ATXN1: variants seen among roughly 807,000 people sequenced by gnomAD.
ATXN1 encodes the protein ataxin 1.
ATXN1 carries 8 observed loss-of-function variants against 56.4 expected under a neutral mutation model. The ratio of observed to expected loss-of-function variants is 0.14; its 90% CI spans 0.08 to 0.26. ATXN1 has a LOEUF of 0.26. ATXN1 is among the 10% of genes least tolerant of loss of function. The pLI, the probability that ATXN1 is intolerant of heterozygous loss-of-function variation, is 1.00. For missense variants in ATXN1, 987 were observed against 1,106.5 expected (o/e 0.89, Z 1.53); for synonymous variants, 514 against 494.6 (o/e 1.04, Z -0.52).
At chr6:16,482,194 CAT>C (rs756255774) in intron 6 of ATXN1, among the ~76,000 whole-genome samples, 1 of 152,150 alleles carries the variant, frequency 6.6e-6, no homozygotes. Context: ...CAGGCCCACA[CAT>C]GAGAGGCATT....
At chr6:16,533,384 G>A (rs1029083502) in intron 4 of ATXN1, among the ~76,000 whole-genome samples, 5 of 152,188 alleles carry the variant, frequency 3.3e-5, no homozygotes, top group African/African-American at 9.6e-5. Context: ...TCGTTTGAGT[G>A]TTCCAGGAAA....
At chr6:16,614,635 A>G (rs59339642) in intron 3 of ATXN1, among the ~76,000 whole-genome samples, 7,564 of 151,734 alleles carry the variant, frequency 0.05, 683 homozygotes, top group African/African-American at 0.17. Context: ...TCAATGATTA[A>G]ATTCAGGCCA....
chr6:16,537,734 A>C (rs921481641), intron 4 of ATXN1, among the ~76,000 whole-genome samples: 1 of 151,978 alleles, frequency 6.6e-6, no homozygotes, highest in Non-Finnish European at 1.5e-5. Context: ...AAAAAAAGAA[A>C]AAAAAAAAGA....
At chr6:16,426,584 AGT>A (rs56706428) in intron 6 of ATXN1, among the ~76,000 whole-genome samples, 7 of 144,860 alleles carry the variant, frequency 4.8e-5, no homozygotes, top group Admixed American at 1.4e-4. Flanking sequence ...GGTGGGGCCG[AGT>A]GTGTGTGTGT....
At chr6:16,731,625 CTT>C (rs1358809350) in intron 2 of ATXN1, among the ~76,000 whole-genome samples, 7 of 152,080 alleles carry the variant, frequency 4.6e-5, no homozygotes, top group African/African-American at 1.7e-4. Flanking sequence ...CTGTACTTTG[CTT>C]TCTGCTACCA....
chr6:16,683,751 A>T (rs1758861439), intron 2 of ATXN1, among the ~76,000 whole-genome samples: 1 of 152,176 alleles, frequency 6.6e-6, no homozygotes, highest in Non-Finnish European at 1.5e-5. Context: ...TTAACCAGAG[A>T]GTTTTCTTCC....
At position 16,581,709 on chromosome 6, in the gene ATXN1, G is replaced by A. The variant is rs577856251; in HGVS notation, c.-361+4071C>T. Reference sequence around the variant, plus strand: ...AATTATGCATGTGCACAAAAGGTAGGATTAATTATATAATTAATCTCACTC... The same window carrying A: ...AATTATGCATGTGCACAAAAGGTAGAATTAATTATATAATTAATCTCACTC... On this transcript the variant is annotated intron_variant, in intron 4 of 7. Coordinates refer to ENST00000436367, the MANE Select transcript of ATXN1 (RefSeq NM_001128164.2). Among the ~76,000 whole-genome samples the A allele has an allele frequency of 1.8e-3, 278 of 152,142 alleles. 1 individual carries two copies. The highest frequency in any genetic ancestry group is 3.0e-3 in the Non-Finnish European group (201 of 68,028).
At chr6:16,559,677 G>T (rs1762079263) in intron 4 of ATXN1, among the ~76,000 whole-genome samples, 1 of 152,136 alleles carries the variant, frequency 6.6e-6, no homozygotes. Context: ...ACAGAAATAA[G>T]AGAGATGCTT....
At chr6:16,401,720 T>C (rs1758574732) in intron 6 of ATXN1, among the ~76,000 whole-genome samples, 1 of 152,246 alleles carries the variant, frequency 6.6e-6, no homozygotes, top group Admixed American at 6.5e-5. Flanking sequence ...GTACTATGTT[T>C]ATATCTCATG....
chr6:16,556,027 A>C (rs74699452), intron 4 of ATXN1, among the ~76,000 whole-genome samples: 2,417 of 152,332 alleles, frequency 0.016, 46 homozygotes, highest in African/African-American at 0.045. Flanking sequence ...AAGAATCAAC[A>C]TATAAACATG....
intron 6 of ATXN1, among the ~76,000 whole-genome samples, chr6:16,374,156 A>G (rs1762101248): frequency 6.6e-6 from 1 of 151,548 alleles, no homozygotes; most frequent in South Asian, 2.1e-4. Flanking sequence ...AAAAAAAAAA[A>G]GACATAGACC....
chr6:16,440,445 G>GA (rs879316291), intron 6 of ATXN1, among the ~76,000 whole-genome samples: 3,836 of 133,524 alleles, frequency 0.029, 156 homozygotes, highest in African/African-American at 0.092. Context: ...TGAAGTAAAA[G>GA]AAAAAAAAAA....
intron 5 of ATXN1, among the ~76,000 whole-genome samples, chr6:16,511,051 A>G (rs1460043603): frequency 3.3e-5 from 5 of 152,256 alleles, no homozygotes; most frequent in Admixed American, 3.3e-4. Flanking sequence ...TGGAAGATTT[A>G]TCCTCACTTG....
chr6:16,514,827 CA>C (rs1193321863), intron 5 of ATXN1, among the ~76,000 whole-genome samples: 1 of 151,698 alleles, frequency 6.6e-6, no homozygotes, highest in Non-Finnish European at 1.5e-5. Flanking sequence ...ACTAAAAATA[CA>C]AAAAATTAGC....
intron 6 of ATXN1, among the ~76,000 whole-genome samples, chr6:16,350,607 C>CTCTTT (rs58041497): frequency 0.067 from 10,134 of 152,222 alleles, 1,086 homozygotes; most frequent in African/African-American, 0.23. Flanking sequence ...TGAAGTCTCT[C>CTCTTT]TTTTTCCCAT....
At chr6:16,589,246 G>T (rs1277577396) in intron 3 of ATXN1, among the ~76,000 whole-genome samples, 1 of 151,814 alleles carries the variant, frequency 6.6e-6, no homozygotes, top group Admixed American at 6.6e-5. Context: ...TCCTGTACTT[G>T]TTCCTTAACC....
intron 6 of ATXN1, among the ~76,000 whole-genome samples, chr6:16,406,127 G>A (rs370851482): frequency 6.6e-6 from 1 of 152,238 alleles, no homozygotes; most frequent in East Asian, 1.9e-4. Flanking sequence ...TCTCTTCACA[G>A]CCTTATCTTC....
chr6:16,540,375 C>T (rs1024355428), intron 4 of ATXN1, among the ~76,000 whole-genome samples: 1 of 152,064 alleles, frequency 6.6e-6, no homozygotes, highest in African/African-American at 2.4e-5. Flanking sequence ...CCACGCCTGG[C>T]TAATTTTTTA....
intron 6 of ATXN1, among the ~76,000 whole-genome samples, chr6:16,407,847 G>A (rs1337912264): frequency 6.6e-6 from 1 of 152,212 alleles, no homozygotes; most frequent in African/African-American, 2.4e-5. Flanking sequence ...AGGCCTGTTT[G>A]ATGAGCCTCC....
Sources: gnomAD v4.1 joint callset for allele counts (sites outside exome capture counted in the v4.1 genomes callset) on GRCh38, gnomAD v4.1.1 for gene constraint, MANE v1.5 for transcripts, NCBI Gene and HGNC (gene_info 2026-07-23, HGNC 2026-07-21) for gene names.